The following GSAP variants were observed in gnomAD, a reference collection of about 807,000 sequenced individuals.
The protein encoded by GSAP is gamma-secretase activating protein.
In GSAP, 118 loss-of-function variants were observed where a neutral mutation model predicts 131.7. That is an observed-to-expected ratio of 0.90 (90% confidence interval 0.77 to 1.04). The LOEUF (loss-of-function observed/expected upper bound fraction) is 1.04, where lower values mean the gene tolerates loss of function less well. Among genes scored for constraint, GSAP ranks in the 50% least tolerant of loss-of-function variants. GSAP has a pLI of 0.00. For synonymous variants in GSAP, 381 were observed against 363.4 expected, an observed-to-expected ratio of 1.05 and a Z score of -0.55; for missense variants, 1,019 against 1,013.2, an observed-to-expected ratio of 1.01 and a Z score of -0.08.
rs767948037 is a variant in GSAP, at chr7:77,377,321, T to C, written c.646A>G (p.Met216Val). The C allele has an allele frequency of 1.9e-6, 3 of 1,561,160 alleles. No homozygotes were observed. Among genetic ancestry groups the C allele is most frequent in the Middle Eastern group, 1.7e-4 (1 of 5,780 alleles). The change falls in exon 9 of 31, where the codon ATG becomes GTG. Residue 216 changes from methionine to valine, a missense_variant. Coordinates refer to ENST00000257626, the MANE Select transcript of GSAP (RefSeq NM_017439.4). ...AEDFVWAQWD[M>V]SEQRLYYIDL... ...ATGTAATATAATCTCTGTTCTGACA[T>C]ATCCCACTGAGCCCAAACGAAATCC...
At chr7:77,404,752 G>C (rs966189878) in intron 2 of GSAP, 137 bp from the exon 3 acceptor site, 1 of 633,000 alleles carries the variant, frequency 1.6e-6, no homozygotes, top group Non-Finnish European at 2.9e-6. Context: ...CTGTCAGAGG[G>C]GGACTGAATC....
At position 77,392,081 on chromosome 7, in the gene GSAP, CG is replaced by C. The variant is rs555055462; in HGVS notation, c.368-4634del. Among the ~76,000 whole-genome samples, 208 of 152,032 alleles carry C rather than the reference CG, an allele frequency of 1.4e-3. 1 individual carries two copies. The highest frequency in any genetic ancestry group is 4.9e-3 in the African/African-American group (202 of 41,476). On this transcript the variant is annotated intron_variant, in intron 5 of 30. Transcript: ENST00000257626. ...CTCTACTAAAAATACAAAAATTAGC[CG>C]GAAGTGGTGGTGGATGCCTGCGGTG...
At chr7:77,393,953 C>T (rs1234371782) in intron 5 of GSAP, among the ~76,000 whole-genome samples, 3 of 152,108 alleles carry the variant, frequency 2.0e-5, no homozygotes, top group Non-Finnish European at 4.4e-5. Flanking sequence ...GGATTACAGG[C>T]GTGAGCCACT....
intron 14 of GSAP, among the ~76,000 whole-genome samples, chr7:77,355,960 A>G (rs1793658615): frequency 6.6e-6 from 1 of 150,970 alleles, no homozygotes; most frequent in Non-Finnish European, 1.5e-5. Context: ...CCCCACTAAT[A>G]TTTTCTATTT....
intron 26 of GSAP, among the ~76,000 whole-genome samples, chr7:77,319,803 T>C (rs1024964971): frequency 2.0e-5 from 3 of 152,178 alleles, no homozygotes; most frequent in Non-Finnish European, 4.4e-5. Context: ...ACTGCATGAT[T>C]CCACTTACAT....
At position 77,381,308 on chromosome 7, in the gene GSAP, T is replaced by G; in HGVS notation, c.573A>C (p.Arg191Ser). Residue 191 changes from arginine to serine, a missense_variant, in exon 8 of 31, where the codon AGA becomes AGC. By Grantham distance (110) the Arg-to-Ser change is moderately radical. Coordinates refer to ENST00000257626, the MANE Select transcript of GSAP (RefSeq NM_017439.4). Reference protein sequence around the residue: ...RIHVAQEDGNRVVIKNSGHLP... With the variant: ...RIHVAQEDGNSVVIKNSGHLP... The stretch of plus-strand genomic sequence containing the variant: ...GAAAAGAATTTCAAATCTTTACCAC[T>G]CTATTTCCATCTTCTTGGGCGACAT... 6.4e-7 allele frequency: 1 copy of G among 1,550,774 alleles called. No homozygotes were observed. Among genetic ancestry groups the G allele is most frequent in the South Asian group, 1.2e-5 (1 of 82,788 alleles).
At chr7:77,371,207 A>T (rs887080346) in intron 12 of GSAP, among the ~76,000 whole-genome samples, 1 of 152,164 alleles carries the variant, frequency 6.6e-6, no homozygotes, top group African/African-American at 2.4e-5. Flanking sequence ...AGTAAACGAC[A>T]CTACTGTTCA....
intron 5 of GSAP, among the ~76,000 whole-genome samples, chr7:77,392,665 G>A (rs1799774107): frequency 6.6e-6 from 1 of 152,174 alleles, no homozygotes; most frequent in African/African-American, 2.4e-5. Flanking sequence ...GGATAGACAT[G>A]ACATGAGGAG....
chr7:77,386,630 C>T (rs1246675016), intron 6 of GSAP, among the ~76,000 whole-genome samples: 2 of 152,190 alleles, frequency 1.3e-5, no homozygotes, highest in African/African-American at 4.8e-5. Flanking sequence ...CCTTCTTGCA[C>T]TTAGGAACAC....
At chr7:77,390,913 C>G (rs1799367224) in intron 5 of GSAP, among the ~76,000 whole-genome samples, 1 of 133,732 alleles carries the variant, frequency 7.5e-6, no homozygotes, top group Non-Finnish European at 1.5e-5. Context: ...TGCGCCACTG[C>G]ACTCCAGCCT....
At chr7:77,358,366 G>A (rs17152259) in intron 14 of GSAP, among the ~76,000 whole-genome samples, 47,216 of 152,046 alleles carry the variant, frequency 0.31, 8,283 homozygotes, top group African/African-American at 0.48. Context: ...AAAGTTTGCT[G>A]GGAAGATTTG....
chr7:77,342,051 C>T (rs1295148683), intron 19 of GSAP, among the ~76,000 whole-genome samples: 1 of 152,200 alleles, frequency 6.6e-6, no homozygotes, highest in Admixed American at 6.5e-5. Flanking sequence ...CTATGCGGGA[C>T]CCCACTGGAA....
At chr7:77,327,870 G>A (rs928029971) in intron 22 of GSAP, among the ~76,000 whole-genome samples, 8 of 151,930 alleles carry the variant, frequency 5.3e-5, no homozygotes, top group African/African-American at 1.9e-4. Flanking sequence ...CCGCACCTAT[G>A]GATTATATAA....
chr7:77,328,674 T>C (rs760326210), intron 21 of GSAP, 37 bp from the exon 22 acceptor site: 32 of 1,318,506 alleles, frequency 2.4e-5, no homozygotes, highest in East Asian at 4.6e-5. Flanking sequence ...ACAGACAGCA[T>C]TGCTTTTAAA....
intron 12 of GSAP, among the ~76,000 whole-genome samples, chr7:77,368,681 C>G (rs1795682654): frequency 6.6e-6 from 1 of 152,194 alleles, no homozygotes. Flanking sequence ...TCTATTGCCT[C>G]AGGCAAGTTA....
chr7:77,347,153 C>G (rs1013942391), intron 19 of GSAP, among the ~76,000 whole-genome samples: 1 of 152,096 alleles, frequency 6.6e-6, no homozygotes. Context: ...CCCCCATACC[C>G]CACTCTATGC....
intron 18 of GSAP, 103 bp from the exon 19 acceptor site, chr7:77,349,507 G>T: frequency 1.1e-6 from 1 of 875,252 alleles, no homozygotes; most frequent in Non-Finnish European, 1.9e-6. Flanking sequence ...GCTGAGGGCA[G>T]CTTCCAGCTT....
chr7:77,398,586 A>G (rs1376033479), intron 3 of GSAP, among the ~76,000 whole-genome samples: 1 of 152,168 alleles, frequency 6.6e-6, no homozygotes, highest in Non-Finnish European at 1.5e-5. Context: ...GGACACCACG[A>G]CAAAATCCTA....
Position 77,377,386 on chromosome 7 carries a change from A to G in GSAP, c.581T>C (p.Ile194Thr). The G allele has an allele frequency of 6.5e-7, 1 of 1,534,330 alleles. No individual in the cohort carries two copies. The highest frequency in any genetic ancestry group is 8.7e-7 in the Non-Finnish European group (1 of 1,152,138). The change falls in exon 9 of 31, where the codon ATT becomes ACT. Residue 194 changes from isoleucine (I) to threonine (T), a missense_variant. Ile to Thr is a moderately conservative substitution (Grantham distance 89). Coordinates refer to ENST00000257626, the MANE Select transcript of GSAP (RefSeq NM_017439.4). ...TCTTGGGAGATGGCCAGAATTTTTAATCACCTAAAAATGCAAAAAAAAAAA... is the reference window on the plus strand; with the variant it reads ...TCTTGGGAGATGGCCAGAATTTTTAGTCACCTAAAAATGCAAAAAAAAAAA... ...VAQEDGNRVV[I>T]KNSGHLPRDR...
Sources: gnomAD v4.1 joint callset for allele counts (sites outside exome capture counted in the v4.1 genomes callset) on GRCh38, gnomAD v4.1.1 for gene constraint, MANE v1.5 for transcripts, NCBI Gene and HGNC (gene_info 2026-07-23, HGNC 2026-07-21) for gene names.